PTK2: variants seen among roughly 807,000 people sequenced by gnomAD.
PTK2 encodes the protein focal adhesion kinase 1.
In PTK2, 45 loss-of-function variants were observed where a neutral mutation model predicts 150.1. The observed-to-expected ratio is 0.30, with a 90% confidence interval of 0.24 to 0.38. PTK2 has a LOEUF of 0.38. PTK2 is among the 10% of genes least tolerant of loss of function. The pLI, the probability that PTK2 is intolerant of heterozygous loss-of-function variation, is 1.00. For missense variants in PTK2, 919 were observed against 1,307.3 expected (o/e 0.70, Z 4.58); for synonymous variants, 432 against 449.2 (o/e 0.96, Z 0.48).
In PTK2 at chr8:140,688,957, C is replaced by A. The variant is rs186420074; in HGVS notation, c.2500-2263G>T. On this transcript the variant is annotated intron_variant, in intron 26 of 31. Transcript: ENST00000522684. Reference sequence around the variant, plus strand: ...GGCAGAAAGTATGCTGTGTTTTTTACCAGAGAGGACTATCCCATTAGATAT... The same window carrying A: ...GGCAGAAAGTATGCTGTGTTTTTTAACAGAGAGGACTATCCCATTAGATAT... Among the ~76,000 whole-genome samples, 333 of 152,214 alleles carry A rather than the reference C, an allele frequency of 2.2e-3. 4 individuals are homozygous for A. The highest frequency in any genetic ancestry group is 6.7e-3 in the African/African-American group (280 of 41,538).
exon 3 of PTK2, chr8:140,890,603 G>C: frequency 6.2e-7 from 1 of 1,614,014 alleles, no homozygotes; most frequent in Non-Finnish European, 8.5e-7. Context: ...GCTCACTATT[G>C]CTTTCAAAAT....
intron 17 of PTK2, among the ~76,000 whole-genome samples, chr8:140,750,894 G>C (rs1363770419): frequency 6.6e-6 from 1 of 152,074 alleles, no homozygotes; most frequent in African/African-American, 2.4e-5. Context: ...CTGGGAAACA[G>C]CAAAAACCTG....
At chr8:140,793,417 T>C in intron 12 of PTK2, 33 bp from the exon 13 acceptor site, 1 of 1,603,182 alleles carries the variant, frequency 6.2e-7, no homozygotes, top group Non-Finnish European at 8.5e-7. Flanking sequence ...TGCATAAGGC[T>C]CTTTTCACTC....
intron 7 of PTK2, among the ~76,000 whole-genome samples, chr8:140,845,554 A>G (rs753376873): frequency 2.0e-5 from 3 of 152,164 alleles, no homozygotes; most frequent in Non-Finnish European, 4.4e-5. Context: ...TCTCCTGTAA[A>G]CACCCAGCTG....
intron 14 of PTK2, among the ~76,000 whole-genome samples, chr8:140,779,915 G>A (rs541751075): frequency 5.3e-4 from 80 of 152,206 alleles, no homozygotes; most frequent in African/African-American, 1.4e-3. Context: ...CCAGCAAACA[G>A]GTTTCCCAGT....
At chr8:140,700,915 C>A (rs1165762276) in exon 26 of PTK2, 7 of 1,614,028 alleles carry the variant, frequency 4.3e-6, no homozygotes, top group Non-Finnish European at 5.9e-6. Flanking sequence ...CTTTTTCCAG[C>A]CAGCGCTGAT....
At chr8:140,800,631 G>T (rs2154593252) in intron 11 of PTK2, 55 bp from the exon 12 acceptor site, 2 of 1,367,306 alleles carry the variant, frequency 1.5e-6, no homozygotes, top group East Asian at 2.3e-5. Context: ...AGTAAGCAAA[G>T]GACAGCTGTG....
intron 22 of PTK2, among the ~76,000 whole-genome samples, chr8:140,724,248 A>C (rs1191995292): frequency 6.6e-6 from 1 of 152,242 alleles, no homozygotes; most frequent in Admixed American, 6.5e-5. Context: ...TATTGTTAGA[A>C]TGGAAAAACA....
upstream of PTK2, chr8:141,001,969 G>A (rs2100200348): frequency 6.6e-6 from 1 of 152,218 alleles, no homozygotes; most frequent in Admixed American, 6.5e-5. Flanking sequence ...CTAAATGAAC[G>A]CCAGCAGGGA....
At chr8:140,760,535 A>AGATACAGAAAGTGGATGAGT (rs1349496304) in intron 16 of PTK2, among the ~76,000 whole-genome samples, 4 of 152,214 alleles carry the variant, frequency 2.6e-5, no homozygotes, top group African/African-American at 9.6e-5. Context: ...ACAAATCTAT[A>AGATACAGAAAGTGGATGAGT]GATACAGAAA....
chr8:140,678,529 T>C (rs2100015137), intron 27 of PTK2, among the ~76,000 whole-genome samples: 1 of 152,100 alleles, frequency 6.6e-6, no homozygotes, highest in African/African-American at 2.4e-5. Context: ...AGTTTTTATA[T>C]TTCTTGTAGA....
chr8:140,754,904 T>C (rs1244902936), intron 16 of PTK2, among the ~76,000 whole-genome samples: 1 of 152,208 alleles, frequency 6.6e-6, no homozygotes, highest in Admixed American at 6.5e-5. Flanking sequence ...GGGTTTTTTC[T>C]AAAAACTAAA....
intron 2 of PTK2, chr8:140,920,857 CATATAG>C: frequency 6.5e-7 from 1 of 1,528,402 alleles, no homozygotes; most frequent in Non-Finnish European, 8.7e-7. Context: ...CGCTTTTCTC[CATATAG>C]ATGGCACCTG....
chr8:140,756,622 G>A (rs947520679), intron 16 of PTK2, among the ~76,000 whole-genome samples: 1 of 151,308 alleles, frequency 6.6e-6, no homozygotes, highest in Admixed American at 6.6e-5. Flanking sequence ...GCTTGAACCC[G>A]GGAGGTTGTG....
At chr8:140,759,530 T>TAAAAAAAAAAAAAA (rs761643170) in intron 16 of PTK2, among the ~76,000 whole-genome samples, 17 of 58,058 alleles carry the variant, frequency 2.9e-4, no homozygotes, top group East Asian at 5.3e-4. Flanking sequence ...GACCCTGTCC[T>TAAAAAAAAAAAAAA]AAAAAAAAAA....
chr8:140,953,516 G>C (rs1436756525), intron 1 of PTK2, among the ~76,000 whole-genome samples: 2 of 152,138 alleles, frequency 1.3e-5, no homozygotes, highest in Admixed American at 1.3e-4. Context: ...CTGGACAAAG[G>C]GACAATTCAC....
At chr8:140,695,842 C>T (rs998098008) in intron 26 of PTK2, among the ~76,000 whole-genome samples, 7 of 152,198 alleles carry the variant, frequency 4.6e-5, no homozygotes, top group Non-Finnish European at 8.8e-5. Flanking sequence ...TTGGCCTCTC[C>T]AGATCCACTG....
chr8:140,964,774 GT>G (rs1401122067), intron 1 of PTK2, among the ~76,000 whole-genome samples: 1 of 151,972 alleles, frequency 6.6e-6, no homozygotes, highest in Non-Finnish European at 1.5e-5. Context: ...GCAAAGAAAG[GT>G]TTTTTCATTT....
intron 2 of PTK2, among the ~76,000 whole-genome samples, chr8:140,902,921 GTTGTTTT>G (rs1555356000): frequency 1.5e-5 from 1 of 66,782 alleles, no homozygotes; most frequent in Non-Finnish European, 2.5e-5. Flanking sequence ...TCTGATGAGA[GTTGTTTT>G]TTTTTTTTTT....
Sources: gnomAD v4.1 joint callset for allele counts (sites outside exome capture counted in the v4.1 genomes callset) on GRCh38, gnomAD v4.1.1 for gene constraint, MANE v1.5 for transcripts, NCBI Gene and HGNC (gene_info 2026-07-23, HGNC 2026-07-21) for gene names.